The following IQCM variants were observed in gnomAD, a reference collection of about 807,000 sequenced individuals.
IQCM encodes IQ motif containing M.
In IQCM, 45 loss-of-function variants were observed where a neutral mutation model predicts 57.6. The ratio of observed to expected loss-of-function variants is 0.78; its 90% CI spans 0.62 to 1.00. The LOEUF (loss-of-function observed/expected upper bound fraction) is 1.00. Among genes scored for constraint, IQCM ranks in the 50% least tolerant of loss-of-function variants. The pLI, the probability that IQCM is intolerant of heterozygous loss-of-function variation, is 0.00. For missense variants in IQCM, 468 were observed against 511.6 expected, an observed-to-expected ratio of 0.91 and a Z score of 0.82; for synonymous variants, 148 against 158.9, an observed-to-expected ratio of 0.93 and a Z score of 0.51.
In IQCM at chr4:149,357,093, T is replaced by A. The variant is rs557081425; in HGVS notation, c.1391-5027A>T. Among the ~76,000 whole-genome samples the A allele has an allele frequency of 2.6e-3, 392 of 152,318 alleles. 3 individuals carry two copies. Among genetic ancestry groups the A allele is most frequent in the African/African-American group, 9.0e-3 (374 of 41,564 alleles). On this transcript the variant is annotated intron_variant, in intron 13 of 13. Transcript: ENST00000636793. ...ATGCTTGTGATTTTTGCACATTGAT[T>A]TTGTATCCTGAGACTTTGCTGAAGT...
intron 7 of IQCM, among the ~76,000 whole-genome samples, chr4:149,630,119 GA>G (rs1453513929): frequency 6.6e-6 from 1 of 152,164 alleles, no homozygotes; most frequent in Non-Finnish European, 1.5e-5. Flanking sequence ...CTTACAAAGT[GA>G]AAACTCTTGA....
chr4:149,445,922 G>A (rs1736457036), intron 12 of IQCM, among the ~76,000 whole-genome samples: 1 of 151,656 alleles, frequency 6.6e-6, no homozygotes, highest in Non-Finnish European at 1.5e-5. Flanking sequence ...AAAGAAAAAT[G>A]TTTTTCCCTA....
At chr4:149,780,546 T>TATATATATAA (rs59087898) in intron 2 of IQCM, among the ~76,000 whole-genome samples, 16,562 of 150,684 alleles carry the variant, frequency 0.11, 1,038 homozygotes, top group Middle Eastern at 0.16. Context: ...TATATATATA[T>TATATATATAA]AAAACATATT....
rs1308070671 is a variant in IQCM, at chr4:149,669,700, G to C, written c.565+12418C>G. Among the ~76,000 whole-genome samples, 3 of 152,134 alleles carry C rather than the reference G, an allele frequency of 2.0e-5. No individual in the cohort carries two copies. The South Asian group carries it at 6.2e-4, about 32-fold the overall frequency. ...AGTTTCAGCTTTCTACATATGGCTA[G>C]CCGGTTTTCCCAGCACCATTTATTA... On this transcript the variant is annotated intron_variant, in intron 7 of 13. Coordinates refer to ENST00000636793, the MANE Select transcript of IQCM (RefSeq NM_001363507.2).
At chr4:149,610,609 A>G (rs2150051902) in intron 8 of IQCM, among the ~76,000 whole-genome samples, 1 of 152,154 alleles carries the variant, frequency 6.6e-6, no homozygotes, top group Non-Finnish European at 1.5e-5. Context: ...TGCCAAGAAC[A>G]CGGCCTGGGA....
chr4:149,375,703 T>C (rs1280624961), intron 13 of IQCM, among the ~76,000 whole-genome samples: 1 of 152,156 alleles, frequency 6.6e-6, no homozygotes, highest in Non-Finnish European at 1.5e-5. Context: ...TTCCTAAATA[T>C]TTCCATTTAA....
chr4:149,607,520 C>T (rs1279391337), intron 8 of IQCM, among the ~76,000 whole-genome samples: 1 of 151,888 alleles, frequency 6.6e-6, no homozygotes, highest in African/African-American at 2.4e-5. Flanking sequence ...ATGTGTAAAC[C>T]ATTCATATTT....
chr4:149,717,683 T>A (rs2149845600), intron 5 of IQCM, among the ~76,000 whole-genome samples: 1 of 152,292 alleles, frequency 6.6e-6, no homozygotes, highest in South Asian at 2.1e-4. Flanking sequence ...ATACAAATGT[T>A]AATGGGTGAG....
At chr4:149,632,833 G>T (rs1379669475) in intron 7 of IQCM, among the ~76,000 whole-genome samples, 1 of 152,194 alleles carries the variant, frequency 6.6e-6, no homozygotes, top group Non-Finnish European at 1.5e-5. Flanking sequence ...GGCTCACGAA[G>T]TCCAAGTGAT....
At chr4:149,535,903 C>G (rs1747246838) in intron 12 of IQCM, among the ~76,000 whole-genome samples, 2 of 151,958 alleles carry the variant, frequency 1.3e-5, no homozygotes, top group African/African-American at 4.8e-5. Context: ...CTTTACACAG[C>G]TATTGCTAGG....
intron 10 of IQCM, among the ~76,000 whole-genome samples, chr4:149,556,802 T>G (rs910946931): frequency 6.6e-6 from 1 of 152,206 alleles, no homozygotes; most frequent in Non-Finnish European, 1.5e-5. Context: ...TATCCATGCA[T>G]AGCTACTGGA....
chr4:149,577,404 T>G (rs1276709494), intron 9 of IQCM, among the ~76,000 whole-genome samples: 1 of 152,044 alleles, frequency 6.6e-6, no homozygotes, highest in Non-Finnish European at 1.5e-5. Context: ...GAGTTGATTT[T>G]TGTATATAAT....
intron 8 of IQCM, among the ~76,000 whole-genome samples, chr4:149,615,358 T>C (rs1293547495): frequency 6.6e-6 from 1 of 152,208 alleles, no homozygotes; most frequent in Non-Finnish European, 1.5e-5. Flanking sequence ...ATATTATCTT[T>C]CAGGATAATT....
At chr4:149,462,946 A>T (rs1406202449) in intron 12 of IQCM, among the ~76,000 whole-genome samples, 1 of 152,224 alleles carries the variant, frequency 6.6e-6, no homozygotes, top group African/African-American at 2.4e-5. Context: ...GGAGGAAGGG[A>T]TAAATAAAAG....
chr4:149,551,083 G>T (rs1283338000), intron 11 of IQCM, among the ~76,000 whole-genome samples: 1 of 152,100 alleles, frequency 6.6e-6, no homozygotes, highest in Non-Finnish European at 1.5e-5. Flanking sequence ...AAATGCAATC[G>T]TCTATAAAGC....
intron 3 of IQCM, among the ~76,000 whole-genome samples, chr4:149,741,086 C>A (rs563095736): frequency 7.9e-5 from 12 of 152,084 alleles, no homozygotes; most frequent in Middle Eastern, 6.8e-3. Context: ...GTTAAAGAAC[C>A]AAATGAAACC....
chr4:149,478,310 G>C (rs963814695), intron 12 of IQCM, among the ~76,000 whole-genome samples: 1 of 152,092 alleles, frequency 6.6e-6, no homozygotes, highest in Non-Finnish European at 1.5e-5. Flanking sequence ...GTAATGGCAG[G>C]TGCAAGATTG....
intron 10 of IQCM, among the ~76,000 whole-genome samples, chr4:149,558,364 C>T (rs1005314473): frequency 1.3e-5 from 2 of 152,214 alleles, no homozygotes; most frequent in East Asian, 3.9e-4. Flanking sequence ...CTCCTGGCCC[C>T]AAAATGCTGT....
intron 9 of IQCM, among the ~76,000 whole-genome samples, chr4:149,566,600 T>C (rs374811572): frequency 6.6e-6 from 1 of 151,966 alleles, no homozygotes; most frequent in Non-Finnish European, 1.5e-5. Context: ...TTATTTGGGG[T>C]AAAAGCTGTA....
Sources: gnomAD v4.1 joint callset for allele counts (sites outside exome capture counted in the v4.1 genomes callset) on GRCh38, gnomAD v4.1.1 for gene constraint, MANE v1.5 for transcripts, NCBI Gene and HGNC (gene_info 2026-07-23, HGNC 2026-07-21) for gene names.